The following LDLRAD4 variants were observed in gnomAD, a reference collection of about 807,000 sequenced individuals.
The protein encoded by LDLRAD4 is low density lipoprotein receptor class A domain containing 4.
LDLRAD4 carries 5 observed loss-of-function variants against 17.0 expected under a neutral mutation model. That is an observed-to-expected ratio of 0.29 (90% CI 0.15 to 0.62). The LOEUF (loss-of-function observed/expected upper bound fraction) is 0.62, where lower values mean the gene tolerates loss of function less well. Among genes scored for constraint, LDLRAD4 ranks in the 20% least tolerant of loss-of-function variants. The probability of loss-of-function intolerance (pLI) is 0.84; values close to 1 mark genes in which losing one functional copy is unlikely to be tolerated. For synonymous variants in LDLRAD4, 168 were observed against 171.8 expected, an observed-to-expected ratio of 0.98 and a Z score of 0.17; for missense variants, 340 against 424.7, an observed-to-expected ratio of 0.80 and a Z score of 1.75.
intron 1 of LDLRAD4, among the ~76,000 whole-genome samples, chr18:13,272,247 G>T (rs2044601180): frequency 6.6e-6 from 1 of 152,168 alleles, no homozygotes; most frequent in Admixed American, 6.5e-5. Flanking sequence ...GCTGCTCGGG[G>T]TCTGGGTTGC....
chr18:13,408,540 T>C (rs543832139), intron 2 of LDLRAD4, among the ~76,000 whole-genome samples: 1 of 152,206 alleles, frequency 6.6e-6, no homozygotes, highest in South Asian at 2.1e-4. Context: ...TGGCGTGATA[T>C]TGGCTCACTG....
At chr18:13,290,765 A>G (rs557308544) in intron 1 of LDLRAD4, among the ~76,000 whole-genome samples, 5 of 152,354 alleles carry the variant, frequency 3.3e-5, no homozygotes, top group African/African-American at 1.2e-4. Context: ...TACCAGAAGA[A>G]CAGAAACACC....
chr18:13,295,878 C>T (rs2046243619), intron 1 of LDLRAD4, among the ~76,000 whole-genome samples: 1 of 152,344 alleles, frequency 6.6e-6, no homozygotes, highest in South Asian at 2.1e-4. Flanking sequence ...AGACTGAGGA[C>T]TGTGTGCTGA....
chr18:13,578,316 T>A (rs895563831), intron 3 of LDLRAD4, among the ~76,000 whole-genome samples: 8 of 152,222 alleles, frequency 5.3e-5, no homozygotes, highest in African/African-American at 1.9e-4. Context: ...TAATTTTAAC[T>A]GTTATTTATA....
intron 1 of LDLRAD4, among the ~76,000 whole-genome samples, chr18:13,352,467 G>C (rs1222069912): frequency 1.3e-5 from 2 of 152,054 alleles, no homozygotes; most frequent in African/African-American, 4.8e-5. Context: ...ACAATGTGCT[G>C]ATTATCTTAC....
At chr18:13,424,328 C>T (rs1268072577) in intron 2 of LDLRAD4, among the ~76,000 whole-genome samples, 2 of 152,138 alleles carry the variant, frequency 1.3e-5, no homozygotes, top group Admixed American at 6.5e-5. Flanking sequence ...GATTCTTGTC[C>T]ATCTTCTTCT....
chr18:13,393,985 G>C (rs2086469327), intron 2 of LDLRAD4, among the ~76,000 whole-genome samples: 1 of 152,182 alleles, frequency 6.6e-6, no homozygotes, highest in African/African-American at 2.4e-5. Context: ...GATGTGTACA[G>C]GAGAAGCCTA....
At chr18:13,368,786 CT>C (rs2084255053) in intron 1 of LDLRAD4, among the ~76,000 whole-genome samples, 1 of 152,244 alleles carries the variant, frequency 6.6e-6, no homozygotes, top group African/African-American at 2.4e-5. Flanking sequence ...AATTTGCACT[CT>C]TCCTGAATTC....
At chr18:13,334,941 A>G (rs1476420777) in intron 1 of LDLRAD4, among the ~76,000 whole-genome samples, 1 of 152,098 alleles carries the variant, frequency 6.6e-6, no homozygotes, top group African/African-American at 2.4e-5. Flanking sequence ...TAATTGATAA[A>G]CTTAGCTCAT....
At position 13,643,346 on chromosome 18, in the gene LDLRAD4, T is replaced by A; in HGVS notation, c.337-13T>A. 1 of 1,461,934 alleles carries A rather than the reference T, an allele frequency of 6.8e-7. No homozygotes were observed. 90.6% of individuals were successfully genotyped at this position (1,461,934 alleles called of 1,614,324 possible). On this transcript the variant is annotated splice_polypyrimidine_tract_variant and intron_variant, in intron 4 of 5. Coordinates refer to ENST00000359446, the Ensembl canonical transcript of LDLRAD4. ...CTTGTTCCCCCCACTCTCCTCCCCT[T>A]CCCCTCCGCCAGGAAGGGTGCCTGT...
At chr18:13,581,859 G>A (rs2094864483) in intron 3 of LDLRAD4, among the ~76,000 whole-genome samples, 1 of 152,136 alleles carries the variant, frequency 6.6e-6, no homozygotes. Context: ...GTACACTCAT[G>A]TGCAGAGCTA....
At chr18:13,611,247 GACA>G in intron 3 of LDLRAD4, 1 of 156,276 alleles carries the variant, frequency 6.4e-6, no homozygotes, top group Admixed American at 6.5e-5. Flanking sequence ...GTTTTGCTTT[GACA>G]ACTCCTCCTA....
chr18:13,318,409 A>G (rs2081044651), intron 1 of LDLRAD4, among the ~76,000 whole-genome samples: 1 of 151,954 alleles, frequency 6.6e-6, no homozygotes, highest in African/African-American at 2.4e-5. Flanking sequence ...CTACAGGTGC[A>G]TGCCACCACA....
chr18:13,508,829 T>C (rs566586297), intron 3 of LDLRAD4, among the ~76,000 whole-genome samples: 2 of 152,362 alleles, frequency 1.3e-5, no homozygotes, highest in African/African-American at 4.8e-5. Context: ...AGCCCATGGA[T>C]TGAGGAGCAA....
intron 1 of LDLRAD4, among the ~76,000 whole-genome samples, chr18:13,330,040 C>G (rs2081763785): frequency 6.6e-6 from 1 of 151,978 alleles, no homozygotes; most frequent in Non-Finnish European, 1.5e-5. Flanking sequence ...ACTGCAAACT[C>G]TGCCTCTCGG....
chr18:13,442,505 C>G (rs1193297513), intron 3 of LDLRAD4, among the ~76,000 whole-genome samples: 1 of 152,198 alleles, frequency 6.6e-6, no homozygotes, highest in Admixed American at 6.5e-5. Flanking sequence ...TGGCTGGGGC[C>G]CGCGTGGGGC....
intron 1 of LDLRAD4, among the ~76,000 whole-genome samples, chr18:13,254,281 G>A (rs1421952372): frequency 6.6e-6 from 1 of 152,232 alleles, no homozygotes; most frequent in East Asian, 1.9e-4. Context: ...GGAGTGAGGG[G>A]CCCCAGGTGG....
chr18:13,431,896 T>G (rs1389954492), intron 2 of LDLRAD4, among the ~76,000 whole-genome samples: 1 of 152,200 alleles, frequency 6.6e-6, no homozygotes, highest in Non-Finnish European at 1.5e-5. Flanking sequence ...TAAATTCCAC[T>G]TTGTTCCAAG....
At chr18:13,470,477 T>C (rs1032044395) in intron 3 of LDLRAD4, among the ~76,000 whole-genome samples, 4 of 150,700 alleles carry the variant, frequency 2.7e-5, no homozygotes, top group African/African-American at 7.4e-5. Context: ...TGGCACGTAA[T>C]TCATGTCTGC....
Sources: allele counts gnomAD v4.1 joint callset (sites outside exome capture counted in the v4.1 genomes callset), GRCh38; gene constraint gnomAD v4.1.1; transcripts MANE v1.5; gene names NCBI Gene and HGNC (gene_info 2026-07-23, HGNC 2026-07-21).